Variants in CERT1 observed in about 807,000 individuals in gnomAD.
The protein encoded by CERT1 is ceramide transporter 1.
In CERT1, 31 loss-of-function variants were observed where a neutral mutation model predicts 87.9. That is an observed-to-expected ratio of 0.35 (90% confidence interval 0.27 to 0.48). CERT1 has a LOEUF of 0.48. Among genes scored for constraint, CERT1 ranks in the 20% least tolerant of loss-of-function variants. The probability of loss-of-function intolerance (pLI) is 0.99; values close to 1 mark genes in which losing one functional copy is unlikely to be tolerated. For missense variants in CERT1, 487 were observed against 758.0 expected (o/e 0.64, Z 4.20); for synonymous variants, 289 against 250.9 (o/e 1.15, Z -1.44).
intron 2 of CERT1, among the ~76,000 whole-genome samples, chr5:75,500,881 T>C (rs1311304888): frequency 2.6e-5 from 4 of 152,234 alleles, no homozygotes; most frequent in African/African-American, 7.2e-5. Flanking sequence ...TCAAAAATTT[T>C]TTACATCTGA....
rs141731806 is a variant in CERT1, at chr5:75,480,994, C to T, written c.232-21813G>A. 2.6e-4 allele frequency among the ~76,000 whole-genome samples: 39 copies of T among 152,286 alleles called. 1 individual carries two copies. The East Asian group carries it at 6.2e-3, about 24-fold the overall frequency. The stretch of plus-strand genomic sequence containing the variant: ...TGCCTCCTACAATCTATTCTTAACA[C>T]AGCAGCCCAAGTGATCCTGTTGCAC... On this transcript the variant is annotated intron_variant, in intron 2 of 16. Coordinates refer to ENST00000643780, the MANE Select transcript of CERT1 (RefSeq NM_001379029.1).
chr5:75,458,372 A>G (rs947267642), intron 3 of CERT1, among the ~76,000 whole-genome samples: 9 of 152,194 alleles, frequency 5.9e-5, no homozygotes, highest in Non-Finnish European at 8.8e-5. Flanking sequence ...CCAAAAAGTT[A>G]TAACAAAAAT....
At chr5:75,400,333 T>A (rs773036635) in intron 9 of CERT1, 36 bp from the exon 10 acceptor site, 9 of 1,458,942 alleles carry the variant, frequency 6.2e-6, no homozygotes, top group Non-Finnish European at 8.6e-6. Flanking sequence ...GGGAAGGTTT[T>A]AAAGTGTATT....
intron 1 of CERT1, among the ~76,000 whole-genome samples, chr5:75,509,439 T>C (rs1767810122): frequency 1.3e-5 from 2 of 152,174 alleles, no homozygotes; most frequent in Non-Finnish European, 2.9e-5. Flanking sequence ...TGAGCAAGAA[T>C]ACCAAAAGCT....
chr5:75,393,316 A>G (rs895287623), intron 11 of CERT1, among the ~76,000 whole-genome samples: 1 of 151,960 alleles, frequency 6.6e-6, no homozygotes, highest in Non-Finnish European at 1.5e-5. Context: ...AACAAAATGG[A>G]GATAAAATAC....
chr5:75,464,725 G>A (rs950896504), intron 2 of CERT1, among the ~76,000 whole-genome samples: 2 of 152,036 alleles, frequency 1.3e-5, no homozygotes, highest in Non-Finnish European at 2.9e-5. Context: ...ACAGATGCAT[G>A]CCACTACACC....
chr5:75,507,389 G>A (rs966347388), intron 1 of CERT1, among the ~76,000 whole-genome samples: 2 of 152,068 alleles, frequency 1.3e-5, no homozygotes, highest in African/African-American at 4.8e-5. Context: ...GGGACTACAG[G>A]TGAGCCACCA....
intron 2 of CERT1, among the ~76,000 whole-genome samples, chr5:75,470,616 C>A: frequency 6.6e-6 from 1 of 152,140 alleles, no homozygotes; most frequent in East Asian, 1.9e-4. Context: ...AAATGTACCT[C>A]AACACACTAA....
Position 75,511,628 on chromosome 5 carries a change from T to G in CERT1, c.-421A>C. On this transcript the variant is annotated 5_prime_UTR_variant, in exon 1 of 17. Coordinates refer to ENST00000643780, the MANE Select transcript of CERT1 (RefSeq NM_001379029.1). ...GCCATCTTCCTGCCTGGCCCACTAT[T>G]TACCCTCCCCTCCCCTGTCCTTTCC... The G allele has an allele frequency of 6.7e-7, 1 of 1,483,946 alleles. No homozygotes were observed. The highest frequency in any genetic ancestry group is 9.0e-7 in the Non-Finnish European group (1 of 1,114,852). The allele number at this position is 1,483,946 out of a possible 1,614,324, so 91.9% of individuals were successfully genotyped here.
chr5:75,388,593 T>C (rs1461036223), intron 12 of CERT1, among the ~76,000 whole-genome samples: 1 of 111,696 alleles, frequency 9.0e-6, no homozygotes, highest in Non-Finnish European at 1.8e-5. Flanking sequence ...AAGTATAGCA[T>C]GCATGCATAT....
chr5:75,477,657 A>AC (rs1359728620), intron 2 of CERT1, among the ~76,000 whole-genome samples: 19 of 149,958 alleles, frequency 1.3e-4, no homozygotes, highest in Non-Finnish European at 2.8e-4. Flanking sequence ...TAAAAAAAAA[A>AC]AAAAAAAAAA....
intron 8 of CERT1, among the ~76,000 whole-genome samples, chr5:75,406,791 C>T (rs748541306): frequency 2.3e-4 from 35 of 152,128 alleles, no homozygotes; most frequent in Admixed American, 3.3e-4. Flanking sequence ...GTGATCTGCC[C>T]GCCTCGGCCT....
At chr5:75,418,622 G>A (rs547963233) in intron 6 of CERT1, among the ~76,000 whole-genome samples, 1 of 151,998 alleles carries the variant, frequency 6.6e-6, no homozygotes, top group Non-Finnish European at 1.5e-5. Context: ...CACAAACTAT[G>A]GTATATCTAT....
At chr5:75,381,745 G>A (rs1045578650) in intron 15 of CERT1, among the ~76,000 whole-genome samples, 3 of 152,060 alleles carry the variant, frequency 2.0e-5, no homozygotes, top group African/African-American at 7.3e-5. Flanking sequence ...AAAGGTAAAC[G>A]GCCCTGGTGG....
At chr5:75,503,820 T>TGTTA in intron 2 of CERT1, among the ~76,000 whole-genome samples, 1 of 152,184 alleles carries the variant, frequency 6.6e-6, no homozygotes, top group South Asian at 2.1e-4. Flanking sequence ...AAGATGGATA[T>TGTTA]AAATGTTAAA....
At chr5:75,399,499 T>C in intron 10 of CERT1, 112 bp from the exon 11 acceptor site, 1 of 766,442 alleles carries the variant, frequency 1.3e-6, no homozygotes, top group Non-Finnish European at 2.3e-6. Context: ...AAGCACTATA[T>C]GAAACAAGCA....
At chr5:75,450,245 C>T (rs958210692) in intron 3 of CERT1, among the ~76,000 whole-genome samples, 1 of 152,116 alleles carries the variant, frequency 6.6e-6, no homozygotes, top group Admixed American at 6.6e-5. Context: ...TAGTTCAGAC[C>T]ATGACTGGAA....
intron 2 of CERT1, among the ~76,000 whole-genome samples, chr5:75,472,418 A>C (rs1301201165): frequency 6.6e-6 from 1 of 152,230 alleles, no homozygotes; most frequent in African/African-American, 2.4e-5. Flanking sequence ...AATAAAAAAT[A>C]GATGAGATTT....
chr5:75,475,047 A>G (rs1002329359), intron 2 of CERT1, among the ~76,000 whole-genome samples: 4 of 152,238 alleles, frequency 2.6e-5, no homozygotes, highest in Non-Finnish European at 5.9e-5. Flanking sequence ...GATACTGGGA[A>G]AATACCCACA....
Sources: gnomAD v4.1 joint callset for allele counts (sites outside exome capture counted in the v4.1 genomes callset) on GRCh38, gnomAD v4.1.1 for gene constraint, MANE v1.5 for transcripts, NCBI Gene and HGNC (gene_info 2026-07-23, HGNC 2026-07-21) for gene names.